Variants in TRHDE observed in about 807,000 individuals in gnomAD.
TRHDE encodes the protein thyrotropin-releasing hormone-degrading ectoenzyme.
A neutral mutation model predicts 125.7 loss-of-function variants in TRHDE; 72 were observed. The ratio of observed to expected loss-of-function variants is 0.57; its 90% CI spans 0.47 to 0.70. TRHDE has a LOEUF of 0.70. TRHDE is among the 30% of genes least tolerant of loss of function. The pLI is 0.00. For synonymous variants in TRHDE, 509 were observed against 509.1 expected (o/e 1.00, Z 0.00); for missense variants, 1,110 against 1,327.1 (o/e 0.84, Z 2.54).
At chr12:72,323,150 G>A (rs1869175661) in intron 2 of TRHDE, among the ~76,000 whole-genome samples, 1 of 152,070 alleles carries the variant, frequency 6.6e-6, no homozygotes, top group South Asian at 2.1e-4. Flanking sequence ...TCTATATAAA[G>A]CACAATGCCT....
chr12:72,293,402 T>G (rs2139437001), intron 2 of TRHDE, among the ~76,000 whole-genome samples: 1 of 152,286 alleles, frequency 6.6e-6, no homozygotes, highest in African/African-American at 2.4e-5. Flanking sequence ...GATCAAGGTG[T>G]ATCAAGGAAC....
intron 1 of TRHDE, among the ~76,000 whole-genome samples, chr12:72,280,831 T>C (rs1231970654): frequency 6.6e-6 from 1 of 152,200 alleles, no homozygotes; most frequent in African/African-American, 2.4e-5. Flanking sequence ...TCATTAGATA[T>C]TGTTCCTAAG....
intron 2 of TRHDE, among the ~76,000 whole-genome samples, chr12:72,214,479 AG>A (rs1201714054): frequency 6.6e-6 from 1 of 152,152 alleles, no homozygotes; most frequent in Non-Finnish European, 1.5e-5. Flanking sequence ...CTTTTTTCTG[AG>A]GTCATGAATT....
At chr12:72,270,211 C>T (rs1476092683), upstream of TRHDE, among the ~76,000 whole-genome samples, 2 of 152,174 alleles carry the variant, frequency 1.3e-5, no homozygotes. Flanking sequence ...CATTTAAAAA[C>T]AGAGCAGAAA....
chr12:72,153,874 T>C (rs1224340437), intron 2 of TRHDE, among the ~76,000 whole-genome samples: 5 of 152,198 alleles, frequency 3.3e-5, no homozygotes, highest in African/African-American at 4.8e-5. Context: ...TATATTCTGT[T>C]GATTTGGGGT....
intron 12 of TRHDE, among the ~76,000 whole-genome samples, chr12:72,581,878 A>G (rs945803289): frequency 6.6e-6 from 1 of 152,168 alleles, no homozygotes; most frequent in South Asian, 2.1e-4. Flanking sequence ...CGAGGTGGGC[A>G]GATCACGAGG....
chr12:72,418,783 A>T (rs1873834334), intron 3 of TRHDE, among the ~76,000 whole-genome samples: 1 of 152,102 alleles, frequency 6.6e-6, no homozygotes, highest in South Asian at 2.1e-4. Flanking sequence ...GAGAGGTCTT[A>T]TTGTTTCAAA....
chr12:72,309,988 G>C (rs1170669516), intron 2 of TRHDE, among the ~76,000 whole-genome samples: 1 of 152,178 alleles, frequency 6.6e-6, no homozygotes, highest in East Asian at 1.9e-4. Context: ...TTTGTTGCTT[G>C]TTAATGCAAT....
intron 2 of TRHDE, among the ~76,000 whole-genome samples, chr12:72,194,569 C>T (rs930196859): frequency 2.6e-5 from 4 of 151,946 alleles, no homozygotes; most frequent in Admixed American, 2.6e-4. Context: ...CTGTTGTTGC[C>T]ATCTTTATGT....
In TRHDE at chr12:72,669,169, G is replaced by C. The variant is rs941794294; in HGVS notation, c.*5974G>C. The C allele has an allele frequency of 1.3e-5, 2 of 151,536 alleles. No homozygotes were observed. The highest frequency in any genetic ancestry group is 6.6e-5 in the Admixed American group (1 of 15,162). The allele number at this position is 151,536 out of a possible 1,614,324, so 9.4% of individuals were successfully genotyped here. A position where few individuals can be genotyped will look rare whatever the true frequency, so the allele number is the denominator to read the frequency against. ...GTGAAAAGACAGAATAAATTGCAAA[G>C]GTTTTACGAGTGGACCACAAAGTTA... On this transcript the variant is annotated 3_prime_UTR_variant, in exon 19 of 19. Coordinates refer to ENST00000261180, the MANE Select transcript of TRHDE (RefSeq NM_013381.3).
intron 15 of TRHDE, among the ~76,000 whole-genome samples, chr12:72,651,237 T>C (rs890509341): frequency 2.6e-5 from 4 of 152,108 alleles, no homozygotes; most frequent in African/African-American, 7.2e-5. Context: ...TTCTTAGAAT[T>C]CTACACACTT....
intron 12 of TRHDE, among the ~76,000 whole-genome samples, chr12:72,617,641 T>C (rs1565811805): frequency 6.6e-6 from 1 of 152,100 alleles, no homozygotes; most frequent in Non-Finnish European, 1.5e-5. Flanking sequence ...TGTCGTAGTC[T>C]GTTTGGGCTG....
intron 3 of TRHDE, among the ~76,000 whole-genome samples, chr12:72,408,501 A>G (rs1210354007): frequency 6.6e-6 from 1 of 152,166 alleles, no homozygotes; most frequent in African/African-American, 2.4e-5. Flanking sequence ...ACTAATGGGC[A>G]CTCACTGGCA....
intron 2 of TRHDE, among the ~76,000 whole-genome samples, chr12:72,295,733 C>T (rs1880272211): frequency 6.6e-6 from 1 of 151,950 alleles, no homozygotes; most frequent in Non-Finnish European, 1.5e-5. Context: ...CAAATTAAGT[C>T]TCATTTTAAT....
At chr12:72,559,364 C>T (rs188933713) in intron 7 of TRHDE, among the ~76,000 whole-genome samples, 5 of 152,280 alleles carry the variant, frequency 3.3e-5, no homozygotes, top group African/African-American at 2.4e-5. Flanking sequence ...AGTTAAACAG[C>T]TTTCTAAAGC....
At chr12:72,167,800 A>T (rs748778236) in intron 2 of TRHDE, 2 of 152,230 alleles carry the variant, frequency 1.3e-5, no homozygotes, top group African/African-American at 2.4e-5. Flanking sequence ...ATCTCTCAGA[A>T]TTATATCAAA....
At chr12:72,635,620 G>T (rs1273259671) in intron 15 of TRHDE, among the ~76,000 whole-genome samples, 2 of 151,856 alleles carry the variant, frequency 1.3e-5, no homozygotes, top group African/African-American at 4.8e-5. Context: ...TTCTTCTAGG[G>T]TTTTTATGGT....
chr12:72,498,271 G>C (rs1044125547), intron 5 of TRHDE, among the ~76,000 whole-genome samples: 1 of 152,056 alleles, frequency 6.6e-6, no homozygotes, highest in Non-Finnish European at 1.5e-5. Context: ...TTTAAAGCCA[G>C]GTTTAAATTA....
intron 6 of TRHDE, among the ~76,000 whole-genome samples, chr12:72,514,777 T>A: frequency 9.3e-6 from 1 of 107,588 alleles, no homozygotes. Flanking sequence ...CCTAATGCTA[T>A]CCCTCCCCCC....
Sources: gnomAD v4.1 joint callset for allele counts (sites outside exome capture counted in the v4.1 genomes callset) on GRCh38, gnomAD v4.1.1 for gene constraint, MANE v1.5 for transcripts, NCBI Gene and HGNC (gene_info 2026-07-23, HGNC 2026-07-21) for gene names.